CTNNA2: variants seen among roughly 807,000 people sequenced by gnomAD.
CTNNA2 encodes the protein catenin alpha-2.
CTNNA2 carries 42 observed loss-of-function variants against 101.0 expected under a neutral mutation model. That is an observed-to-expected ratio of 0.42 (90% CI 0.32 to 0.54). CTNNA2 has a LOEUF of 0.54. Among genes scored for constraint, CTNNA2 ranks in the 20% least tolerant of loss-of-function variants. The pLI is 0.14. For missense variants in CTNNA2, 871 were observed against 1,223.1 expected (o/e 0.71, Z 4.29); for synonymous variants, 450 against 456.4 (o/e 0.99, Z 0.18).
At chr2:79,436,301 TGGA>T (rs2104514410) in intron 4 of CTNNA2, among the ~76,000 whole-genome samples, 3 of 152,300 alleles carry the variant, frequency 2.0e-5, no homozygotes, top group East Asian at 3.9e-4. Flanking sequence ...GGAAATTATT[TGGA>T]GGCAGTCACA....
rs555044285 is a variant in CTNNA2 at position 80,366,974 on chromosome 2, C to T, written c.1057-26237C>T. Among the ~76,000 whole-genome samples the T allele has an allele frequency of 1.9e-3, 282 of 150,980 alleles. 2 individuals are homozygous for T. Among genetic ancestry groups the T allele is most frequent in the Middle Eastern group, 3.5e-3 (1 of 288 alleles). ...CAACTGGAAGCAGGGAGGGGGCTTC[C>T]AGGTCACAGGTAGGTGAGAGACAAA... On this transcript the variant is annotated intron_variant, in intron 7 of 18. Coordinates refer to ENST00000402739, the MANE Select transcript of CTNNA2 (RefSeq NM_001282597.3).
intron 9 of CTNNA2, among the ~76,000 whole-genome samples, chr2:80,424,188 T>TCA (rs1680786611): frequency 6.6e-6 from 1 of 152,064 alleles, no homozygotes. Flanking sequence ...ACTCCTGACT[T>TCA]TGTGATCTGC....
intron 2 of CTNNA2, among the ~76,000 whole-genome samples, chr2:79,245,450 C>A (rs994179732): frequency 2.0e-5 from 3 of 152,092 alleles, no homozygotes; most frequent in Non-Finnish European, 4.4e-5. Context: ...ACTCCATCTC[C>A]AAAAATAAAG....
intron 9 of CTNNA2, among the ~76,000 whole-genome samples, chr2:80,479,244 T>C (rs901762580): frequency 1.3e-5 from 2 of 152,094 alleles, no homozygotes; most frequent in Non-Finnish European, 2.9e-5. Flanking sequence ...GATCAGAGAT[T>C]TTAGCTCCTT....
chr2:79,446,287 T>C (rs1164926579), intron 4 of CTNNA2, among the ~76,000 whole-genome samples: 3 of 151,878 alleles, frequency 2.0e-5, no homozygotes, highest in Non-Finnish European at 4.4e-5. Flanking sequence ...TAACCCTACA[T>C]TGAAGGTTGG....
chr2:79,338,245 C>CAAAAA (rs59474388), intron 3 of CTNNA2, among the ~76,000 whole-genome samples: 2 of 109,234 alleles, frequency 1.8e-5, no homozygotes, highest in Admixed American at 1.0e-4. Context: ...GACTCCATCT[C>CAAAAA]AAAAAAAAAA....
intron 17 of CTNNA2, among the ~76,000 whole-genome samples, chr2:80,614,284 GA>G: frequency 6.6e-6 from 1 of 150,832 alleles, no homozygotes; most frequent in Non-Finnish European, 1.5e-5. Context: ...AAAATATTTG[GA>G]AAAAAATAAA....
At chr2:80,205,123 G>T (rs771607155) in intron 7 of CTNNA2, among the ~76,000 whole-genome samples, 31 of 152,286 alleles carry the variant, frequency 2.0e-4, no homozygotes, top group Non-Finnish European at 4.3e-4. Flanking sequence ...GGGACATAGA[G>T]CCTTAACCAT....
intron 2 of CTNNA2, among the ~76,000 whole-genome samples, chr2:79,663,643 T>G (rs1280059911): frequency 6.6e-6 from 1 of 152,172 alleles, no homozygotes; most frequent in Non-Finnish European, 1.5e-5. Context: ...CTCTTTTTTT[T>G]TAAAGTACAT....
At chr2:80,404,701 G>A (rs143940297) in intron 8 of CTNNA2, among the ~76,000 whole-genome samples, 37 of 152,278 alleles carry the variant, frequency 2.4e-4, no homozygotes, top group African/African-American at 8.9e-4. Flanking sequence ...GACACTATGG[G>A]TCTTCCCAGG....
chr2:80,275,694 A>T (rs930387157), intron 7 of CTNNA2, among the ~76,000 whole-genome samples: 1 of 152,068 alleles, frequency 6.6e-6, no homozygotes, highest in Non-Finnish European at 1.5e-5. Context: ...ACTCTTAAGA[A>T]TTTTTCAGAG....
chr2:79,391,977 C>G (rs1678178141), intron 4 of CTNNA2, among the ~76,000 whole-genome samples: 2 of 152,122 alleles, frequency 1.3e-5, no homozygotes, highest in Admixed American at 1.3e-4. Flanking sequence ...TCCCTGGTGT[C>G]TCTGTGTGTG....
At position 80,158,400 on chromosome 2, in the gene CTNNA2, C is replaced by T. The variant is rs185910396; in HGVS notation, c.1057-234811C>T. ...AAAGAGACCTGTATGCTCTTTCCCT[C>T]GTTTCGCACAATGGTATCATCTTGT... is the stretch of plus-strand genomic sequence containing the variant. On this transcript the variant is annotated intron_variant, in intron 7 of 18. Coordinates refer to ENST00000402739, the MANE Select transcript of CTNNA2 (RefSeq NM_001282597.3). Among the ~76,000 whole-genome samples the T allele has an allele frequency of 6.5e-3, 985 of 152,350 alleles. 6 individuals carry two copies. The highest frequency in any genetic ancestry group is 9.1e-3 in the Non-Finnish European group (616 of 68,038).
chr2:79,414,501 AT>A (rs1265559554), intron 4 of CTNNA2, among the ~76,000 whole-genome samples: 3 of 152,106 alleles, frequency 2.0e-5, no homozygotes, highest in Non-Finnish European at 4.4e-5. Context: ...TTCCTTGGTA[AT>A]TTTATAAAAT....
At chr2:80,520,252 A>G (rs532083831) in intron 9 of CTNNA2, among the ~76,000 whole-genome samples, 2 of 152,132 alleles carry the variant, frequency 1.3e-5, no homozygotes, top group African/African-American at 2.4e-5. Flanking sequence ...CAATAAGCAT[A>G]TACTAGATGG....
At chr2:79,618,937 G>A (rs1020944184) in intron 1 of CTNNA2, among the ~76,000 whole-genome samples, 3 of 152,216 alleles carry the variant, frequency 2.0e-5, no homozygotes, top group Admixed American at 1.3e-4. Flanking sequence ...TGGGTGTGGT[G>A]GCTCACGCCT....
chr2:79,450,465 G>T (rs1269956774), intron 4 of CTNNA2, among the ~76,000 whole-genome samples: 2 of 151,940 alleles, frequency 1.3e-5, no homozygotes, highest in East Asian at 3.9e-4. Context: ...TCTAACAGTG[G>T]CCATGAAAAG....
At chr2:79,357,046 G>A (rs35965251) in intron 3 of CTNNA2, among the ~76,000 whole-genome samples, 1 of 151,998 alleles carries the variant, frequency 6.6e-6, no homozygotes, top group Non-Finnish European at 1.5e-5. Context: ...ACTCAATAGA[G>A]CTGGGTGGAT....
chr2:79,320,553 G>A (rs994147569), intron 3 of CTNNA2, among the ~76,000 whole-genome samples: 1 of 152,154 alleles, frequency 6.6e-6, no homozygotes, highest in African/African-American at 2.4e-5. Context: ...GAGTCTACCT[G>A]AAAGACAGAA....
Sources: gnomAD v4.1 joint callset for allele counts (sites outside exome capture counted in the v4.1 genomes callset) on GRCh38, gnomAD v4.1.1 for gene constraint, MANE v1.5 for transcripts, NCBI Gene and HGNC (gene_info 2026-07-23, HGNC 2026-07-21) for gene names.